XPR1: variants seen among roughly 807,000 people sequenced by gnomAD.
The protein encoded by XPR1 is solute carrier family 53 member 1.
XPR1 carries 28 observed loss-of-function variants against 87.5 expected under a neutral mutation model. That is an observed-to-expected ratio of 0.32 (90% CI 0.24 to 0.44). The LOEUF is 0.44. XPR1 is among the 20% of genes least tolerant of loss of function. The probability of loss-of-function intolerance (pLI) is 1.00; values close to 1 mark genes in which losing one functional copy is unlikely to be tolerated. For missense variants in XPR1, 559 were observed against 862.3 expected, an observed-to-expected ratio of 0.65 and a Z score of 4.41; for synonymous variants, 300 against 306.1, an observed-to-expected ratio of 0.98 and a Z score of 0.21.
At chr1:180,774,503 G>A (rs1648636480) in intron 2 of XPR1, among the ~76,000 whole-genome samples, 1 of 147,294 alleles carries the variant, frequency 6.8e-6, no homozygotes, top group Non-Finnish European at 1.5e-5. Context: ...CCATTCTCCT[G>A]CCTCAGCCTC....
intron 2 of XPR1, among the ~76,000 whole-genome samples, chr1:180,686,545 A>G (rs968014434): frequency 2.0e-5 from 3 of 152,082 alleles, no homozygotes; most frequent in Non-Finnish European, 2.9e-5. Flanking sequence ...TATCCTTGTT[A>G]GCTTTCTGTC....
intron 3 of XPR1, among the ~76,000 whole-genome samples, chr1:180,790,734 G>A (rs1649347785): frequency 6.6e-6 from 1 of 152,004 alleles, no homozygotes. Flanking sequence ...GTAGAGACGG[G>A]GTTTCACCGT....
Position 180,656,449 on chromosome 1 carries a change from T to A in XPR1, c.69+24179T>A, listed in dbSNP as rs1289048200. Among the ~76,000 whole-genome samples, 91 of 18,696 alleles carry A rather than the reference T, an allele frequency of 4.9e-3. 1 individual carries two copies. The highest frequency in any genetic ancestry group is 0.017 in the African/African-American group (87 of 5,200). The allele number at this position is 18,696 out of a possible 152,430, so 12.3% of individuals were successfully genotyped here. ...TATTTATATATTTATATATAAATAT[T>A]TATATATTTATATATAATATTTATA... is the stretch of plus-strand genomic sequence containing the variant. On this transcript the variant is annotated intron_variant, in intron 1 of 14. Transcript: ENST00000367590.
At chr1:180,651,753 A>G (rs1412020769) in intron 1 of XPR1, among the ~76,000 whole-genome samples, 1 of 152,190 alleles carries the variant, frequency 6.6e-6, no homozygotes, top group African/African-American at 2.4e-5. Flanking sequence ...CATGGATTAG[A>G]AATTATGTTT....
intron 3 of XPR1, among the ~76,000 whole-genome samples, chr1:180,799,452 A>G (rs972347102): frequency 2.0e-5 from 3 of 152,162 alleles, no homozygotes; most frequent in African/African-American, 7.2e-5. Flanking sequence ...ATTTCTGGGT[A>G]TATAGTAAAA....
chr1:180,829,117 G>A (rs1650965539), intron 9 of XPR1, among the ~76,000 whole-genome samples: 1 of 152,136 alleles, frequency 6.6e-6, no homozygotes, highest in African/African-American at 2.4e-5. Flanking sequence ...GATCGCTTGA[G>A]TCCAGCAGGT....
chr1:180,728,307 G>GC (rs1658430567), intron 2 of XPR1, among the ~76,000 whole-genome samples: 2 of 140,242 alleles, frequency 1.4e-5, no homozygotes, highest in Non-Finnish European at 3.1e-5. Flanking sequence ...TGGGGGGGGG[G>GC]GTAGTAATGA....
intron 1 of XPR1, among the ~76,000 whole-genome samples, chr1:180,663,122 G>T (rs1045903227): frequency 4.6e-5 from 7 of 152,174 alleles, no homozygotes; most frequent in Non-Finnish European, 8.8e-5. Context: ...CTCTGGAATT[G>T]GTTCCTGGTG....
chr1:180,854,189 G>T (rs1651963130), intron 11 of XPR1, among the ~76,000 whole-genome samples: 1 of 152,174 alleles, frequency 6.6e-6, no homozygotes. Flanking sequence ...CCATGAGATT[G>T]GCAGAGGAAG....
rs202136735 is a variant in XPR1 at position 180,803,512 on chromosome 1, C to T, written c.348C>T (p.His116=). The T allele has an allele frequency of 7.4e-6, 12 of 1,613,946 alleles. No individual in the cohort carries two copies. In the East Asian group the frequency reaches 8.9e-5, roughly 12 times the overall value. The change falls in exon 4 of 15, where the codon CAC becomes CAT. Residue 116 remains histidine, a synonymous_variant. Transcript: ENST00000367590. ...GACAACGCAGAAAGCCAGTCTTCCA[C>T]TTGTCCCATGAGGAACGTGTCCAAC... ...TLRQRRKPVF[H]LSHEERVQHR... is the part of the protein sequence containing the mutation.
At chr1:180,783,030 A>G (rs549306509) in intron 2 of XPR1, among the ~76,000 whole-genome samples, 8 of 152,190 alleles carry the variant, frequency 5.3e-5, no homozygotes, top group Non-Finnish European at 1.0e-4. Context: ...AACATCTTAT[A>G]ATAGAAATTG....
At chr1:180,849,516 T>G (rs1372016264) in intron 11 of XPR1, among the ~76,000 whole-genome samples, 1 of 152,208 alleles carries the variant, frequency 6.6e-6, no homozygotes, top group East Asian at 1.9e-4. Context: ...TTTTACCATG[T>G]CTTCTGCTAA....
chr1:180,769,863 G>T (rs571783056), intron 2 of XPR1, among the ~76,000 whole-genome samples: 1 of 152,054 alleles, frequency 6.6e-6, no homozygotes, highest in African/African-American at 2.4e-5. Context: ...ACTGTTCTCC[G>T]TAGTGGTTGT....
chr1:180,684,518 T>C, intron 2 of XPR1, among the ~76,000 whole-genome samples: 2 of 152,206 alleles, frequency 1.3e-5, no homozygotes, highest in East Asian at 3.8e-4. Context: ...TTTCCAATTC[T>C]GTGAAGAAAG....
At chr1:180,859,512 T>C (rs1652150553) in intron 11 of XPR1, among the ~76,000 whole-genome samples, 1 of 152,104 alleles carries the variant, frequency 6.6e-6, no homozygotes. Flanking sequence ...GATAATATCT[T>C]TCCAGGACAT....
chr1:180,722,283 A>G (rs2101998419), intron 2 of XPR1, among the ~76,000 whole-genome samples: 1 of 152,182 alleles, frequency 6.6e-6, no homozygotes, highest in East Asian at 1.9e-4. Context: ...TTTAGTAGTG[A>G]CAGGGTTTCG....
intron 11 of XPR1, among the ~76,000 whole-genome samples, chr1:180,859,879 T>A (rs1652162750): frequency 6.6e-6 from 1 of 152,062 alleles, no homozygotes; most frequent in African/African-American, 2.4e-5. Flanking sequence ...AAGTTGTGAA[T>A]AAATACATTC....
In XPR1 at chr1:180,883,126, C is replaced by CTTTT. The variant is rs10690260; in HGVS notation, c.2031-860_2031-857dup. 8.1e-4 allele frequency among the ~76,000 whole-genome samples: 71 copies of CTTTT among 87,196 alleles called. 2 individuals carry two copies. The highest frequency in any genetic ancestry group is 1.9e-3 in the African/African-American group (41 of 21,644). The allele number at this position is 87,196 out of a possible 152,430, so 57.2% of individuals were successfully genotyped here. A position where few individuals can be genotyped will look rare whatever the true frequency, so the allele number is the denominator to read the frequency against. On this transcript the variant is annotated intron_variant, in intron 14 of 14. Transcript: ENST00000367590. ...TACAGGTTTGCACTATCATACCTGG[C>CTTTT]TTTTTTTTTTTTTTTTTTTTTTTAA...
intron 2 of XPR1, among the ~76,000 whole-genome samples, chr1:180,699,159 TA>T (rs1481744520): frequency 6.6e-6 from 1 of 151,890 alleles, no homozygotes; most frequent in African/African-American, 2.4e-5. Flanking sequence ...TTGTCTGCTT[TA>T]TAGTGTCCCA....
Sources: allele counts gnomAD v4.1 joint callset (sites outside exome capture counted in the v4.1 genomes callset), GRCh38; gene constraint gnomAD v4.1.1; transcripts MANE v1.5; gene names NCBI Gene and HGNC (gene_info 2026-07-23, HGNC 2026-07-21).